GRIN2A: variants seen among roughly 807,000 people sequenced by gnomAD.
The protein encoded by GRIN2A is glutamate receptor ionotropic, NMDA 2A.
GRIN2A carries 22 observed loss-of-function variants against 113.4 expected under a neutral mutation model. The observed-to-expected ratio is 0.19, with a 90% CI of 0.14 to 0.28. The LOEUF (loss-of-function observed/expected upper bound fraction) is 0.28. Among genes scored for constraint, GRIN2A ranks in the 10% least tolerant of loss-of-function variants. The pLI, the probability that GRIN2A is intolerant of heterozygous loss-of-function variation, is 1.00. For synonymous variants in GRIN2A, 827 were observed against 738.4 expected, an observed-to-expected ratio of 1.12 and a Z score of -1.94; for missense variants, 1,502 against 1,887.0, an observed-to-expected ratio of 0.80 and a Z score of 3.78.
intron 11 of GRIN2A, among the ~76,000 whole-genome samples, chr16:9,794,406 T>C (rs1902834352): frequency 6.6e-6 from 1 of 152,256 alleles, no homozygotes; most frequent in Non-Finnish European, 1.5e-5. Flanking sequence ...AATTAGGTAC[T>C]GCTCAGCACT....
At chr16:9,996,515 T>C (rs1444879688) in intron 2 of GRIN2A, among the ~76,000 whole-genome samples, 1 of 152,214 alleles carries the variant, frequency 6.6e-6, no homozygotes, top group Non-Finnish European at 1.5e-5. Context: ...GGCCAGAGTG[T>C]CGAAATCCAA....
chr16:10,113,139 G>A (rs765694227), intron 2 of GRIN2A, among the ~76,000 whole-genome samples: 20 of 151,774 alleles, frequency 1.3e-4, no homozygotes, highest in Non-Finnish European at 2.5e-4. Context: ...CAGGCCCTGC[G>A]CCTGCCTCAG....
intron 2 of GRIN2A, among the ~76,000 whole-genome samples, chr16:9,971,430 C>A (rs1220676205): frequency 2.0e-5 from 3 of 152,122 alleles, no homozygotes; most frequent in Admixed American, 6.5e-5. Flanking sequence ...TACATTTCAG[C>A]CCAACTGTGC....
At chr16:10,121,926 C>CA (rs757431827) in intron 2 of GRIN2A, among the ~76,000 whole-genome samples, 45 of 152,056 alleles carry the variant, frequency 3.0e-4, no homozygotes, top group Non-Finnish European at 5.4e-4. Flanking sequence ...CATAAAATCT[C>CA]AAAAAACCCT....
At chr16:10,038,819 G>A (rs542957805) in intron 2 of GRIN2A, among the ~76,000 whole-genome samples, 85 of 150,936 alleles carry the variant, frequency 5.6e-4, no homozygotes, top group Admixed American at 7.3e-4. Flanking sequence ...CTGCACTCCA[G>A]CCTGGGCGAC....
At chr16:10,042,691 G>C (rs1426138145) in intron 2 of GRIN2A, among the ~76,000 whole-genome samples, 1 of 152,212 alleles carries the variant, frequency 6.6e-6, no homozygotes, top group East Asian at 1.9e-4. Context: ...ACATAGTTCT[G>C]ATGCTGACCC....
In GRIN2A at chr16:9,793,561, A is replaced by G. The variant is rs561953210; in HGVS notation, c.2356+4716T>C. On this transcript the variant is annotated intron_variant, in intron 11 of 12. Transcript: ENST00000330684. ...ACCAAGCAGAATCGAGGTACTCAAT[A>G]AAGAGTTGCTGGTTGCTGGATGAAT... Among the ~76,000 whole-genome samples the G allele has an allele frequency of 1.1e-4, 17 of 152,230 alleles. 1 individual carries two copies. The East Asian group carries it at 2.3e-3, about 21-fold the overall frequency.
intron 2 of GRIN2A, among the ~76,000 whole-genome samples, chr16:10,096,113 C>T (rs1346089782): frequency 6.6e-6 from 1 of 152,052 alleles, no homozygotes; most frequent in Non-Finnish European, 1.5e-5. Flanking sequence ...CAAGCCCCAC[C>T]CCAGACTAAT....
In GRIN2A at chr16:9,938,096, C is replaced by T. The variant is rs1331462860; in HGVS notation, c.870G>A (p.Ala290=). The change falls in exon 3 of 13, where the codon GCG becomes GCA. Residue 290 remains alanine (A), a synonymous_variant. Transcript: ENST00000330684. The stretch of plus-strand genomic sequence containing the variant: ...GGATGCCAATGCCGTCCCTCACTCT[C>T]GCCTCCAGGCTGTAGTCCCAGTCAT... ...SYDDWDYSLE[A]RVRDGIGILT... 16 of 1,613,920 alleles carry T rather than the reference C, an allele frequency of 9.9e-6. No homozygotes were observed. Among genetic ancestry groups the T allele is most frequent in the East Asian group, 6.7e-5 (3 of 44,850 alleles).
rs774772499 is a variant in GRIN2A at position 9,764,241 on chromosome 16, G to A, written c.3303C>T (p.Val1101=). ...ASKYPKDCSE[V]ERTYLKTKSS... ...ATTTGGTTTTCAGGTAGGTGCGCTC[G>A]ACCTCACTACAGTCCTTGGGGTATT... Residue 1101 remains valine, a synonymous_variant, in exon 13 of 13, where the codon GTC becomes GTT. Coordinates refer to ENST00000330684, the MANE Select transcript of GRIN2A (RefSeq NM_001134407.3). The A allele has an allele frequency of 2.6e-5, 42 of 1,613,786 alleles. No homozygotes were observed. Among genetic ancestry groups the A allele is most frequent in the Admixed American group, 6.7e-5 (4 of 59,988 alleles).
chr16:10,118,649 G>A (rs2048773980), intron 2 of GRIN2A, among the ~76,000 whole-genome samples: 1 of 152,166 alleles, frequency 6.6e-6, no homozygotes, highest in Non-Finnish European at 1.5e-5. Context: ...CAGACAGACT[G>A]CTGTATCTAA....
intron 2 of GRIN2A, among the ~76,000 whole-genome samples, chr16:9,970,163 A>T (rs2045642893): frequency 6.6e-6 from 1 of 152,254 alleles, no homozygotes; most frequent in Non-Finnish European, 1.5e-5. Flanking sequence ...ACTTGACTTC[A>T]GCCTTCAGGA....
rs75831583 is a variant in GRIN2A at position 9,905,516 on chromosome 16, C to T, written c.1008-14416G>A. On this transcript the variant is annotated intron_variant, in intron 3 of 12. Transcript: ENST00000330684. Reference sequence around the variant, plus strand: ...CATTTAAATGTAAATGAAATAAAACCGATCTACTGGCTGCTCATTTGGACT... The same window carrying T: ...CATTTAAATGTAAATGAAATAAAACTGATCTACTGGCTGCTCATTTGGACT... 7.9e-3 allele frequency among the ~76,000 whole-genome samples: 1,210 copies of T among 152,248 alleles called. 15 individuals are homozygous for T. The highest frequency in any genetic ancestry group is 0.027 in the African/African-American group (1,137 of 41,550).
chr16:9,896,219 C>A (rs2043802740), intron 3 of GRIN2A, among the ~76,000 whole-genome samples: 1 of 152,002 alleles, frequency 6.6e-6, no homozygotes, highest in Admixed American at 6.6e-5. Flanking sequence ...CCGGCTAATT[C>A]TTATATTTTT....
Position 10,181,994 on chromosome 16 carries a change from C to G in GRIN2A, c.-136G>C, listed in dbSNP as rs2050281697. 1.3e-5 allele frequency: 2 copies of G among 152,730 alleles called. No individual in the cohort carries two copies. The allele number at this position is 152,730 out of a possible 1,614,324, so 9.5% of individuals were successfully genotyped here. A position where few individuals can be genotyped will look rare whatever the true frequency, so the allele number is the denominator to read the frequency against. The stretch of plus-strand genomic sequence containing the variant: ...GCATGCTGCGGCCCCAGCGCGCTCC[C>G]CTGGCTGTCCCGCGCTGTCCGCATC... On this transcript the variant is annotated 5_prime_UTR_variant, in exon 1 of 13. Coordinates refer to ENST00000330684, the MANE Select transcript of GRIN2A (RefSeq NM_001134407.3).
chr16:10,067,073 G>C (rs1362116259), intron 2 of GRIN2A, among the ~76,000 whole-genome samples: 1 of 152,206 alleles, frequency 6.6e-6, no homozygotes, highest in African/African-American at 2.4e-5. Flanking sequence ...TCCCCCAGCT[G>C]TGAACTCTCT....
chr16:9,961,012 T>C (rs1297971268), intron 2 of GRIN2A, among the ~76,000 whole-genome samples: 3 of 152,240 alleles, frequency 2.0e-5, no homozygotes, highest in Non-Finnish European at 4.4e-5. Flanking sequence ...GTTGTTGTCA[T>C]TTACGTGCAA....
intron 2 of GRIN2A, among the ~76,000 whole-genome samples, chr16:10,003,553 C>A (rs886857089): frequency 7.2e-5 from 11 of 152,180 alleles, no homozygotes; most frequent in Non-Finnish European, 1.5e-4. Context: ...TGGGAGTATA[C>A]CAAGTAGAGC....
At chr16:9,860,660 G>A (rs1487802010) in intron 4 of GRIN2A, among the ~76,000 whole-genome samples, 6 of 152,020 alleles carry the variant, frequency 3.9e-5, no homozygotes, top group Admixed American at 3.9e-4. Context: ...TAGAAGATTC[G>A]GAAGGCAGAG....
Sources: allele counts gnomAD v4.1 joint callset (sites outside exome capture counted in the v4.1 genomes callset), GRCh38; gene constraint gnomAD v4.1.1; transcripts MANE v1.5; gene names NCBI Gene and HGNC (gene_info 2026-07-23, HGNC 2026-07-21).